The following ATP2C1 variants were observed in gnomAD, a reference collection of about 807,000 sequenced individuals.
ATP2C1 encodes calcium-transporting ATPase type 2C member 1.
ATP2C1 carries 31 observed loss-of-function variants against 120.5 expected under a neutral mutation model. That is an observed-to-expected ratio of 0.26 (90% confidence interval 0.19 to 0.35). The LOEUF (loss-of-function observed/expected upper bound fraction) is 0.35, where lower values mean the gene tolerates loss of function less well. Ranked by LOEUF, ATP2C1 falls within the 10% of genes least tolerant of loss-of-function variation. The probability of loss-of-function intolerance (pLI) is 1.00; values close to 1 mark genes in which losing one functional copy is unlikely to be tolerated. For missense variants in ATP2C1, 731 were observed against 1,107.5 expected (o/e 0.66, Z 4.83); for synonymous variants, 351 against 358.7 (o/e 0.98, Z 0.24).
chr3:130,897,813 A>G (rs2107946216), intron 2 of ATP2C1, among the ~76,000 whole-genome samples: 1 of 152,256 alleles, frequency 6.6e-6, no homozygotes, highest in South Asian at 2.1e-4. Flanking sequence ...GCTTGTCACT[A>G]GGAACGTTTA....
chr3:130,917,323 A>G (rs2058732503), intron 2 of ATP2C1, among the ~76,000 whole-genome samples: 1 of 152,242 alleles, frequency 6.6e-6, no homozygotes, highest in Non-Finnish European at 1.5e-5. Context: ...TGAGGAGAAT[A>G]GTGGATTCTA....
intron 11 of ATP2C1, among the ~76,000 whole-genome samples, chr3:130,958,766 C>T (rs78419762): frequency 0.027 from 4,111 of 152,184 alleles, 192 homozygotes; most frequent in African/African-American, 0.093. Context: ...AGGTGCTTAA[C>T]GTAAGGCACA....
upstream of ATP2C1, among the ~76,000 whole-genome samples, chr3:130,893,648 T>C (rs2069287211): frequency 6.6e-6 from 1 of 152,208 alleles, no homozygotes; most frequent in Non-Finnish European, 1.5e-5. Flanking sequence ...ACAGACTTTG[T>C]AGAGAGCGCT....
chr3:130,911,119 T>C (rs889672131), intron 2 of ATP2C1, among the ~76,000 whole-genome samples: 1 of 150,572 alleles, frequency 6.6e-6, no homozygotes, highest in African/African-American at 2.4e-5. Context: ...ATTGCCACAA[T>C]TTCAGCTCCT....
intron 20 of ATP2C1, among the ~76,000 whole-genome samples, chr3:130,990,277 C>CA (rs1208637577): frequency 3.7e-5 from 5 of 135,614 alleles, no homozygotes; most frequent in Admixed American, 7.4e-5. Flanking sequence ...GAGCAACCCC[C>CA]CCCCCCACAA....
chr3:130,948,583 T>C lies in ATP2C1; in HGVS notation c.532-5238T>C, dbSNP rs114931176. Among the ~76,000 whole-genome samples the C allele has an allele frequency of 8.9e-3, 1,348 of 152,100 alleles. 16 individuals carry two copies. Among genetic ancestry groups the C allele is most frequent in the African/African-American group, 0.031 (1,283 of 41,480 alleles). Reference sequence around the variant, plus strand: ...TGGTTGTGTAGATTTATGTCTTTCATCAAGTTGGGGAAGTTTTCAGCCATT... The same window carrying C: ...TGGTTGTGTAGATTTATGTCTTTCACCAAGTTGGGGAAGTTTTCAGCCATT... On this transcript the variant is annotated intron_variant, in intron 8 of 27. Coordinates refer to ENST00000510168, the MANE Select transcript of ATP2C1 (RefSeq NM_001378687.1).
rs1169558885 is a variant in ATP2C1 at position 130,894,750 on chromosome 3, G to A, written c.-20G>A. 5 of 1,614,202 alleles carry A rather than the reference G, an allele frequency of 3.1e-6. No individual in the cohort carries two copies. In the South Asian group the frequency reaches 5.5e-5, roughly 18 times the overall value. ...CTAAAGACTTTGTAGCCATCAACCC[G>A]AGTGCAGTTTCGATGGAAAATGAAG... On this transcript the variant is annotated 5_prime_UTR_variant, in exon 2 of 28. Coordinates refer to ENST00000510168, the MANE Select transcript of ATP2C1 (RefSeq NM_001378687.1). This position sits in a 1 kb window ranked among gnomAD's most constrained non-coding sequence, Gnocchi z 4.5.
In ATP2C1 at chr3:131,002,960, G is replaced by A. The variant is rs1485387842; in HGVS notation, c.*1610G>A. On this transcript the variant is annotated 3_prime_UTR_variant, in exon 28 of 28. Coordinates refer to ENST00000510168, the MANE Select transcript of ATP2C1 (RefSeq NM_001378687.1). ...CATTGTCTAATCAACTCTATCATTA[G>A]TGACTTGATGTCTCATACCTTAATT... 2.0e-6 allele frequency: 2 copies of A among 985,474 alleles called. No individual in the cohort carries two copies. Among genetic ancestry groups the A allele is most frequent in the Non-Finnish European group, 2.4e-6 (2 of 829,736 alleles). The allele number at this position is 985,474 out of a possible 1,614,324, so 61.0% of individuals were successfully genotyped here.
chr3:130,884,193 G>A (rs191211005), intron 1 of ATP2C1, among the ~76,000 whole-genome samples: 7 of 151,920 alleles, frequency 4.6e-5, no homozygotes, highest in African/African-American at 1.4e-4. Flanking sequence ...TGCCCACCTC[G>A]GCCTCCCAAA....
At chr3:130,957,607 C>T (rs368101120) in intron 11 of ATP2C1, among the ~76,000 whole-genome samples, 6 of 152,112 alleles carry the variant, frequency 3.9e-5, no homozygotes, top group Non-Finnish European at 5.9e-5. Context: ...AGTGCAATGG[C>T]GCAATCCCGG....
chr3:130,979,572 G>C (rs895258997), intron 19 of ATP2C1, among the ~76,000 whole-genome samples, 153 bp downstream of exon 19: 1 of 152,130 alleles, frequency 6.6e-6, no homozygotes, highest in Non-Finnish European at 1.5e-5. Context: ...TCTATATAAA[G>C]TTGGCAAAAC....
intron 2 of ATP2C1, among the ~76,000 whole-genome samples, chr3:130,905,947 C>G (rs1375623525): frequency 6.6e-6 from 1 of 151,966 alleles, no homozygotes; most frequent in African/African-American, 2.4e-5. Flanking sequence ...GAAATCATGC[C>G]CATCGACTAA....
intron 3 of ATP2C1, among the ~76,000 whole-genome samples, chr3:130,931,780 C>T (rs1484814439): frequency 6.6e-6 from 1 of 151,990 alleles, no homozygotes; most frequent in Non-Finnish European, 1.5e-5. Context: ...ATCACCACCA[C>T]CATTAAGATA....
chr3:130,943,969 A>C (rs2060029946), intron 8 of ATP2C1, among the ~76,000 whole-genome samples: 1 of 152,160 alleles, frequency 6.6e-6, no homozygotes, highest in South Asian at 2.1e-4. Context: ...TCTTTGGATA[A>C]TTTTGTAAGG....
At chr3:130,954,070 T>G in intron 9 of ATP2C1, 94 bp downstream of exon 9, 1 of 1,341,016 alleles carries the variant, frequency 7.5e-7, no homozygotes, top group Admixed American at 1.8e-5. Flanking sequence ...ATTTTTCAAA[T>G]ACATGACAAA....
chr3:131,008,976 C>A (rs2063215552), intron 26 of ATP2C1, among the ~76,000 whole-genome samples: 1 of 152,182 alleles, frequency 6.6e-6, no homozygotes, highest in African/African-American at 2.4e-5. Context: ...GATCTGCCGT[C>A]CCATCTGAAT....
chr3:130,858,241 G>A (rs1053130368), intron 1 of ATP2C1, among the ~76,000 whole-genome samples: 1 of 151,990 alleles, frequency 6.6e-6, no homozygotes, highest in Non-Finnish European at 1.5e-5. Context: ...GACACATCCA[G>A]GAACAATACT....
At chr3:130,891,400 ATTC>A (rs1338959751), upstream of ATP2C1, among the ~76,000 whole-genome samples, 1 of 152,170 alleles carries the variant, frequency 6.6e-6, no homozygotes, top group Non-Finnish European at 1.5e-5. Flanking sequence ...TGTCATGACC[ATTC>A]TTCTTCAATC....
chr3:130,989,170 A>T (rs1302491771), intron 20 of ATP2C1, among the ~76,000 whole-genome samples: 2 of 150,762 alleles, frequency 1.3e-5, no homozygotes, highest in Non-Finnish European at 3.0e-5. Context: ...GAATTGCTTG[A>T]ACCAAGGAGG....
Sources: allele counts gnomAD v4.1 joint callset (sites outside exome capture counted in the v4.1 genomes callset), GRCh38; gene constraint gnomAD v4.1.1; non-coding constraint Gnocchi (gnomAD v3.1); transcripts MANE v1.5; gene names NCBI Gene and HGNC (gene_info 2026-07-23, HGNC 2026-07-21).